The following PSME4 variants were observed in gnomAD, a reference collection of about 807,000 sequenced individuals.
The protein encoded by PSME4 is proteasome activator complex subunit 4.
Under a neutral mutation model 253.9 loss-of-function variants are expected in PSME4, and 89 were observed. The ratio of observed to expected loss-of-function variants is 0.35; its 90% CI spans 0.30 to 0.42. The LOEUF is 0.42. Ranked by LOEUF, PSME4 falls within the 10% of genes least tolerant of loss-of-function variation. The pLI is 1.00. For synonymous variants in PSME4, 851 were observed against 759.2 expected (o/e 1.12, Z -1.99); for missense variants, 2,014 against 2,195.2 (o/e 0.92, Z 1.65).
chr2:53,897,984 T>C lies in PSME4; in HGVS notation c.3492A>G (p.Glu1164=). Residue 1164 remains glutamate, a synonymous_variant, in exon 31 of 47, where the codon GAA becomes GAG. Transcript: ENST00000404125. Reference sequence around the variant, plus strand: ...GAGACAGAAGCCCAATGCCTATATGTTCAAATTTCCAGGGCCTTAAAAGGA... The same window carrying C: ...GAGACAGAAGCCCAATGCCTATATGCTCAAATTTCCAGGGCCTTAAAAGGA... ...VEQRNLPWKF[E]HIGIGLLSLL... 2 of 1,613,728 alleles carry C rather than the reference T, an allele frequency of 1.2e-6. No individual in the cohort carries two copies. The highest frequency in any genetic ancestry group is 1.7e-6 in the Non-Finnish European group (2 of 1,179,838).
intron 3 of PSME4, among the ~76,000 whole-genome samples, chr2:53,944,270 T>C (rs1387180140): frequency 2.0e-5 from 3 of 152,168 alleles, no homozygotes; most frequent in Non-Finnish European, 4.4e-5. Flanking sequence ...GTGATTCTCC[T>C]GCCTCAGCCT....
intron 43 of PSME4, among the ~76,000 whole-genome samples, chr2:53,871,258 C>CT (rs888306999): frequency 3.6e-4 from 53 of 147,204 alleles, no homozygotes; most frequent in East Asian, 7.9e-4. Flanking sequence ...TATCTGTATA[C>CT]TTTTTTTTTT....
At position 53,925,538 on chromosome 2, in the gene PSME4, C is replaced by T; in HGVS notation, c.1809+1G>A. ...TTTATTTTTTGCAGCAATGTTCTTA[C>T]CATAAATATTTCTTTGGAACATTGG... is the stretch of plus-strand genomic sequence containing the variant. On this transcript the variant is annotated splice_donor_variant, in intron 14 of 46. Coordinates refer to ENST00000404125, the MANE Select transcript of PSME4 (RefSeq NM_014614.3). LOFTEE classifies it high-confidence loss of function. The T allele has an allele frequency of 6.5e-7, 1 of 1,540,902 alleles. No homozygotes were observed. Among genetic ancestry groups the T allele is most frequent in the Non-Finnish European group, 8.8e-7 (1 of 1,132,960 alleles).
rs1435904694 is a variant in PSME4 at position 53,920,797 on chromosome 2, AAACT to A, written c.2262+88_2262+91del. 3.3e-5 allele frequency: 36 copies of A among 1,078,110 alleles called. No homozygotes were observed. In the East Asian group the frequency reaches 4.1e-4, roughly 12 times the overall value. The allele number at this position is 1,078,110 out of a possible 1,614,324, so 66.8% of individuals were successfully genotyped here. ...TTCAATAATCTATCTTAAAAGTAAA[AAACT>A]AACATATGCAAGAAAAAATAACACT... On this transcript the variant is annotated intron_variant, in intron 18 of 46. Transcript: ENST00000404125.
In PSME4 at chr2:53,912,045, A is replaced by G. The variant is rs1180009552; in HGVS notation, c.2517-1915T>C. 2.6e-5 allele frequency among the ~76,000 whole-genome samples: 4 copies of G among 152,246 alleles called. No individual in the cohort carries two copies. The East Asian group carries it at 7.7e-4, about 29-fold the overall frequency. On this transcript the variant is annotated intron_variant, in intron 20 of 46. Coordinates refer to ENST00000404125, the MANE Select transcript of PSME4 (RefSeq NM_014614.3). ...AAAATATTAAGTAATGTATTTAAAT[A>G]AAAGCCTTATCTTCTTCCTCGACTT...
chr2:53,946,182 T>C (rs1354892214), intron 3 of PSME4, among the ~76,000 whole-genome samples: 2 of 152,328 alleles, frequency 1.3e-5, no homozygotes, highest in African/African-American at 4.8e-5. Flanking sequence ...AAAAGCAGCA[T>C]GTGCCTTTGC....
At position 53,865,440 on chromosome 2, in the gene PSME4, A is replaced by C. The variant is rs542812437; in HGVS notation, c.*138T>G. 9 of 152,180 alleles carry C rather than the reference A, an allele frequency of 5.9e-5. No individual in the cohort carries two copies. The highest frequency in any genetic ancestry group is 3.9e-4 in the Admixed American group (6 of 15,278). 9.4% of individuals were successfully genotyped at this position (152,180 alleles called of 1,614,324 possible). A position where few individuals can be genotyped will look rare whatever the true frequency, so the allele number is the denominator to read the frequency against. On this transcript the variant is annotated 3_prime_UTR_variant, in exon 47 of 47. Transcript: ENST00000404125. ...AGAAGCTGTGGAATGCAGACTAACG[A>C]GATCTAACACAGAAACCACCAAAAT...
intron 43 of PSME4, chr2:53,869,800 T>G (rs761118021): frequency 4.1e-6 from 1 of 243,416 alleles, no homozygotes. Flanking sequence ...CATAAATTAT[T>G]TTCCCTACTG....
intron 41 of PSME4, among the ~76,000 whole-genome samples, chr2:53,879,133 T>C (rs1261518820): frequency 2.0e-5 from 3 of 152,204 alleles, no homozygotes; most frequent in Non-Finnish European, 2.9e-5. Context: ...ATGTGAAATA[T>C]TGGGGGTGAA....
At chr2:53,918,949 C>G (rs1388392337) in intron 20 of PSME4, among the ~76,000 whole-genome samples, 2 of 152,060 alleles carry the variant, frequency 1.3e-5, no homozygotes, top group African/African-American at 2.4e-5. Context: ...GTTATTCTAT[C>G]CTGGTACCAT....
chr2:53,901,485 T>C lies in PSME4; in HGVS notation c.3150A>G (p.Val1050=). The C allele has an allele frequency of 6.2e-7, 1 of 1,614,086 alleles. No individual in the cohort carries two copies. The highest frequency in any genetic ancestry group is 8.5e-7 in the Non-Finnish European group (1 of 1,179,998). ...LANLHDWDCI[V]QTWPAIVSSG... is the part of the protein sequence containing the mutation. The stretch of plus-strand genomic sequence containing the variant: ...AAGAAACAATCGCTGGCCACGTCTG[T>C]ACAATACAGTCCCAATCATGAAGGT... Residue 1050 remains valine (V), a synonymous_variant, in exon 28 of 47, where the codon GTA becomes GTG. Coordinates refer to ENST00000404125, the MANE Select transcript of PSME4 (RefSeq NM_014614.3).
At chr2:53,906,996 C>T in intron 24 of PSME4, 128 bp from the exon 25 acceptor site, 1 of 739,510 alleles carries the variant, frequency 1.4e-6, no homozygotes, top group Non-Finnish European at 2.2e-6. Context: ...GGTGGTATTT[C>T]CTTTATTCTA....
chr2:53,880,906 G>T (rs954977539), intron 41 of PSME4, among the ~76,000 whole-genome samples: 1 of 152,100 alleles, frequency 6.6e-6, no homozygotes, highest in Non-Finnish European at 1.5e-5. Flanking sequence ...GTATAAAAAA[G>T]AAGATATTCA....
At position 53,920,189 on chromosome 2, in the gene PSME4, C is replaced by G; in HGVS notation, c.2420+4G>C. The G allele has an allele frequency of 6.3e-7, 1 of 1,586,384 alleles. No individual in the cohort carries two copies. The highest frequency in any genetic ancestry group is 8.6e-7 in the Non-Finnish European group (1 of 1,167,426). On this transcript the variant is annotated splice_donor_region_variant and intron_variant, in intron 19 of 46. Coordinates refer to ENST00000404125, the MANE Select transcript of PSME4 (RefSeq NM_014614.3). ...AATAACTCTAATTATAAAATAAAACCAACCTAGACATTTCAAGTTTTCCAT... is the reference window on the plus strand; with the variant it reads ...AATAACTCTAATTATAAAATAAAACGAACCTAGACATTTCAAGTTTTCCAT...
In PSME4 at chr2:53,882,458, G is replaced by T. The variant is rs1679437221; in HGVS notation, c.4815+3232C>A. ...ACTCAGCCACCCACTCCTCAATTTG[G>T]ACAATGAGGGACACGTATTAACTCG... is the stretch of plus-strand genomic sequence containing the variant. On this transcript the variant is annotated intron_variant, in intron 41 of 46. Coordinates refer to ENST00000404125, the MANE Select transcript of PSME4 (RefSeq NM_014614.3). Among the ~76,000 whole-genome samples, 3 of 152,232 alleles carry T rather than the reference G, an allele frequency of 2.0e-5. No homozygotes were observed. In the South Asian group the frequency reaches 6.2e-4, roughly 32 times the overall value.
chr2:53,947,023 T>C (rs936281215), intron 3 of PSME4, among the ~76,000 whole-genome samples: 5 of 152,206 alleles, frequency 3.3e-5, no homozygotes, highest in African/African-American at 9.6e-5. Flanking sequence ...GTGATAAAAT[T>C]TGCTATTTTT....
At chr2:53,918,257 T>C (rs975504425) in intron 20 of PSME4, among the ~76,000 whole-genome samples, 1 of 152,186 alleles carries the variant, frequency 6.6e-6, no homozygotes, top group African/African-American at 2.4e-5. Context: ...AACAAGATAT[T>C]GATGTTGAAA....
Position 53,910,089 on chromosome 2 carries a change from G to C in PSME4, c.2558C>G (p.Thr853Ser). 6.8e-6 allele frequency: 11 copies of C among 1,608,106 alleles called. No individual in the cohort carries two copies. The highest frequency in any genetic ancestry group is 9.4e-6 in the Non-Finnish European group (11 of 1,174,636). ...MVSLEETKLY[T>S]GLEYDLSREN... ...GATTCACATACCATATTCAAGTCCA[G>C]TATACAACTTTGTCTCTTCCAAGGA... Residue 853 changes from threonine (T) to serine (S), a missense_variant, in exon 21 of 47, where the codon ACT (threonine) becomes AGT (serine). Physicochemically the swap from Thr to Ser is moderately conservative, Grantham distance 58. Coordinates refer to ENST00000404125, the MANE Select transcript of PSME4 (RefSeq NM_014614.3).
intron 26 of PSME4, 130 bp from the exon 27 acceptor site, chr2:53,904,286 G>GT: frequency 1.1e-6 from 1 of 928,408 alleles, no homozygotes; most frequent in Non-Finnish European, 1.6e-6. Flanking sequence ...TTCAAAGCAC[G>GT]TACCCTAAAA....
Sources: allele counts gnomAD v4.1 joint callset (sites outside exome capture counted in the v4.1 genomes callset), GRCh38; gene constraint gnomAD v4.1.1; transcripts MANE v1.5; gene names NCBI Gene and HGNC (gene_info 2026-07-23, HGNC 2026-07-21).